The following RASGRP1 variants were observed in gnomAD, a reference collection of about 807,000 sequenced individuals.
RASGRP1 encodes RAS guanyl-releasing protein 1.
Under a neutral mutation model 95.1 loss-of-function variants are expected in RASGRP1, and 37 were observed. The ratio of observed to expected loss-of-function variants is 0.39; its 90% confidence interval spans 0.30 to 0.51. The LOEUF is 0.51. Ranked by LOEUF, RASGRP1 falls within the 20% of genes least tolerant of loss-of-function variation. The pLI is 0.80. For missense variants in RASGRP1, 711 were observed against 965.4 expected, an observed-to-expected ratio of 0.74 and a Z score of 3.49; for synonymous variants, 325 against 353.4, an observed-to-expected ratio of 0.92 and a Z score of 0.90.
In RASGRP1 at chr15:38,526,286, T is replaced by C. The variant is rs375099691; in HGVS notation, c.326+13A>G. The C allele has an allele frequency of 4.6e-5, 74 of 1,599,526 alleles. No homozygotes were observed. The highest frequency in any genetic ancestry group is 6.7e-5 in the Admixed American group (4 of 59,762). On this transcript the variant is annotated intron_variant, in intron 3 of 16. Transcript: ENST00000310803. ...CCCATTTTGGGATTGCCAGTCACTA[T>C]GTTAAAGGATATAGGGTGATAACTT...
Position 38,490,465 on chromosome 15 carries a change from T to C in RASGRP1, c.*89A>G, listed in dbSNP as rs549515484. On this transcript the variant is annotated 3_prime_UTR_variant, in exon 17 of 17. Transcript: ENST00000310803. ...TTTTAAAGTACTGTTTTAAAGCTGGTCAGTGTAAAGTTCCTCAGGTCTGTG... is the reference window on the plus strand; with the variant it reads ...TTTTAAAGTACTGTTTTAAAGCTGGCCAGTGTAAAGTTCCTCAGGTCTGTG... The C allele has an allele frequency of 7.5e-7, 1 of 1,329,034 alleles. No homozygotes were observed. The highest frequency in any genetic ancestry group is 1.0e-6 in the Non-Finnish European group (1 of 995,606). The allele number at this position is 1,329,034 out of a possible 1,614,324, so 82.3% of individuals were successfully genotyped here.
chr15:38,513,044 G>T, intron 6 of RASGRP1, 88 bp from the exon 7 acceptor site: 1 of 1,291,318 alleles, frequency 7.7e-7, no homozygotes, highest in Non-Finnish European at 1.0e-6. Context: ...AGTCCAGTCT[G>T]CTCAGTTGAT....
At chr15:38,553,147 T>G (rs2141187793) in intron 2 of RASGRP1, among the ~76,000 whole-genome samples, 1 of 152,336 alleles carries the variant, frequency 6.6e-6, no homozygotes, top group African/African-American at 2.4e-5. Flanking sequence ...CTTTCCCCGT[T>G]CTTTTCCTTC....
chr15:38,504,172 CGTGAGTG>C (rs1891157984), intron 10 of RASGRP1: 1 of 152,096 alleles, frequency 6.6e-6, no homozygotes, highest in Admixed American at 6.6e-5. Context: ...TGTGGCAAGT[CGTGAGTG>C]GTGAGTGAAT....
intron 3 of RASGRP1, among the ~76,000 whole-genome samples, chr15:38,525,987 CA>C (rs1892204200): frequency 6.6e-6 from 1 of 152,136 alleles, no homozygotes; most frequent in Non-Finnish European, 1.5e-5. Flanking sequence ...TCAATTTGCA[CA>C]GGATGAATAT....
At chr15:38,500,714 AG>A (rs1890980470) in intron 13 of RASGRP1, among the ~76,000 whole-genome samples, 1 of 152,146 alleles carries the variant, frequency 6.6e-6, no homozygotes, top group Non-Finnish European at 1.5e-5. Context: ...CAGGTTCCTC[AG>A]GACTCCAAAC....
At chr15:38,564,070 GAT>G (rs1044496955) in intron 1 of RASGRP1, among the ~76,000 whole-genome samples, 3 of 152,182 alleles carry the variant, frequency 2.0e-5, no homozygotes, top group Non-Finnish European at 4.4e-5. Flanking sequence ...TACGGAAGGC[GAT>G]ATGTTTCCCT....
chr15:38,518,256 T>A lies in RASGRP1; in HGVS notation c.521+36A>T, dbSNP rs550871002. ...CTGGGATTATATTACAGGAGGGAGGTGGTTTCGAAAGATGAGTCAAGACCT... is the reference window on the plus strand; with the variant it reads ...CTGGGATTATATTACAGGAGGGAGGAGGTTTCGAAAGATGAGTCAAGACCT... On this transcript the variant is annotated intron_variant, in intron 5 of 16. Coordinates refer to ENST00000310803, the MANE Select transcript of RASGRP1 (RefSeq NM_005739.4). 3 of 1,593,176 alleles carry A rather than the reference T, an allele frequency of 1.9e-6. No individual in the cohort carries two copies. The East Asian group carries it at 6.8e-5, about 36-fold the overall frequency.
intron 2 of RASGRP1, 35 bp downstream of exon 2, chr15:38,559,786 T>G: frequency 6.3e-7 from 1 of 1,578,700 alleles, no homozygotes; most frequent in Admixed American, 1.7e-5. Flanking sequence ...AGTAATAGAG[T>G]GATTTTTATG....
Position 38,501,134 on chromosome 15 carries a change from A to G in RASGRP1, c.1683+9T>C. The G allele has an allele frequency of 6.3e-7, 1 of 1,588,832 alleles. No homozygotes were observed. The highest frequency in any genetic ancestry group is 2.2e-5 in the East Asian group (1 of 44,828). On this transcript the variant is annotated intron_variant, in intron 13 of 16. Transcript: ENST00000310803. ...AATTCAGCCCTGGAGCACCCTAAGA[A>G]CAACTTACAAATCCAGCACAGTTGT...
Position 38,490,264 on chromosome 15 carries a change from A to C in RASGRP1, c.*290T>G, listed in dbSNP as rs903332721. 3.7e-5 allele frequency: 9 copies of C among 242,982 alleles called. No individual in the cohort carries two copies. The highest frequency in any genetic ancestry group is 1.8e-4 in the South Asian group (1 of 5,606). 15.1% of individuals were successfully genotyped at this position (242,982 alleles called of 1,614,324 possible). A position where few individuals can be genotyped will look rare whatever the true frequency, so the allele number is the denominator to read the frequency against. The stretch of plus-strand genomic sequence containing the variant: ...GCCAGGCAGGCCACCGAGATGCCCC[A>C]TTGTCAGGAAATGATAGTCATGTTT... On this transcript the variant is annotated 3_prime_UTR_variant, in exon 17 of 17. Transcript: ENST00000310803.
rs192858740 is a variant in RASGRP1 at position 38,531,517 on chromosome 15, A to G, written c.221-5113T>C. ...TTTGGTTGATGGATACTAATCTTAA[A>G]AATTGCCTTTAAGAACTCAGGGTTC... On this transcript the variant is annotated intron_variant, in intron 2 of 16. Transcript: ENST00000310803. Among the ~76,000 whole-genome samples the G allele has an allele frequency of 4.4e-3, 670 of 152,326 alleles. 8 individuals carry two copies. Among genetic ancestry groups the G allele is most frequent in the Non-Finnish European group, 3.4e-3 (233 of 68,022 alleles).
intron 2 of RASGRP1, among the ~76,000 whole-genome samples, chr15:38,542,687 G>A (rs1210447767): frequency 1.3e-5 from 2 of 151,626 alleles, no homozygotes; most frequent in South Asian, 2.1e-4. Context: ...ATGGGGCTTG[G>A]TTAATTCTAA....
chr15:38,514,191 C>A (rs1891663967), intron 6 of RASGRP1, among the ~76,000 whole-genome samples: 1 of 152,084 alleles, frequency 6.6e-6, no homozygotes, highest in South Asian at 2.1e-4. Context: ...TGAGAAGTCA[C>A]AACCCAAATA....
At chr15:38,516,407 G>C in intron 5 of RASGRP1, 57 bp from the exon 6 acceptor site, 1 of 1,536,230 alleles carries the variant, frequency 6.5e-7, no homozygotes, top group South Asian at 1.1e-5. Context: ...ATCGCTTTTT[G>C]CAAGTAAATC....
chr15:38,499,207 C>A, intron 14 of RASGRP1: 1 of 610,592 alleles, frequency 1.6e-6, no homozygotes. Flanking sequence ...AGATGGTGTC[C>A]TGGTATCCCA....
At chr15:38,515,829 C>T (rs1891744773) in intron 6 of RASGRP1, among the ~76,000 whole-genome samples, 1 of 139,410 alleles carries the variant, frequency 7.2e-6, no homozygotes, top group Non-Finnish European at 1.5e-5. Flanking sequence ...GTTGTTGAAG[C>T]CTAATGATTA....
intron 16 of RASGRP1, among the ~76,000 whole-genome samples, chr15:38,492,919 C>T (rs1273281619): frequency 2.7e-5 from 4 of 150,602 alleles, no homozygotes; most frequent in African/African-American, 4.9e-5. Context: ...CTCACTCAGT[C>T]GCCCAGGCTG....
chr15:38,502,672 G>T (rs1891083493), intron 11 of RASGRP1, among the ~76,000 whole-genome samples: 1 of 152,104 alleles, frequency 6.6e-6, no homozygotes, highest in South Asian at 2.1e-4. Flanking sequence ...TATCACGCTG[G>T]CTACTCCTAG....
Sources: allele counts gnomAD v4.1 joint callset (sites outside exome capture counted in the v4.1 genomes callset), GRCh38; gene constraint gnomAD v4.1.1; transcripts MANE v1.5; gene names NCBI Gene and HGNC (gene_info 2026-07-23, HGNC 2026-07-21).